SPATA6L: variants seen among roughly 807,000 people sequenced by gnomAD.
SPATA6L encodes spermatogenesis associated 6 like, also known as spermatogenesis associated 6-like protein.
SPATA6L carries 68 observed loss-of-function variants against 49.2 expected under a neutral mutation model. The observed-to-expected ratio is 1.38, with a 90% CI of 1.14 to 1.69. SPATA6L has a LOEUF of 1.69. Among genes scored for constraint, SPATA6L ranks in the 40% most tolerant of loss-of-function variants. The pLI is 0.00. For synonymous variants in SPATA6L, 198 were observed against 165.7 expected (o/e 1.19, Z -1.50); for missense variants, 668 against 464.3 (o/e 1.44, Z -4.03).
In SPATA6L at chr9:4,604,243, A is replaced by G. The variant is rs752891105; in HGVS notation, c.1116T>C (p.Tyr372=). ...GAGGGTAGCTTGGTCTTTCAATGAT[A>G]TAATTTACTTCAGAGGTAGAATCTT... ...NKEDSTSEVN[Y]IIERPSYPLK... Residue 372 remains tyrosine (Y), a synonymous_variant, in exon 11 of 12, where the codon TAT becomes TAC. Coordinates refer to ENST00000682582, the MANE Select transcript of SPATA6L (RefSeq NM_001353486.2). 7 of 1,611,146 alleles carry G rather than the reference A, an allele frequency of 4.3e-6. No homozygotes were observed. The East Asian group carries it at 1.6e-4, about 36-fold the overall frequency.
chr9:4,640,778 G>A (rs1333602712), intron 3 of SPATA6L, among the ~76,000 whole-genome samples: 1 of 152,070 alleles, frequency 6.6e-6, no homozygotes, highest in Non-Finnish European at 1.5e-5. Flanking sequence ...GTTATTTTGA[G>A]CAATTCAAAT....
intron 7 of SPATA6L, 87 bp from the exon 8 acceptor site, chr9:4,618,985 A>G: frequency 1.6e-6 from 2 of 1,222,342 alleles, no homozygotes; most frequent in Non-Finnish European, 2.3e-6. Context: ...ACAGCAGTAC[A>G]AAAATTTTAG....
chr9:4,656,471 A>T (rs551412018), intron 2 of SPATA6L, among the ~76,000 whole-genome samples: 1 of 149,842 alleles, frequency 6.7e-6, no homozygotes, highest in South Asian at 2.1e-4. Flanking sequence ...GAAGGAAGGA[A>T]GGAAGGAAGG....
At chr9:4,648,421 T>G (rs967701095) in intron 3 of SPATA6L, among the ~76,000 whole-genome samples, 2 of 152,106 alleles carry the variant, frequency 1.3e-5, no homozygotes, top group Admixed American at 1.3e-4. Context: ...AGTTCTTGGC[T>G]GGGCACCGTG....
chr9:4,626,282 C>T, intron 5 of SPATA6L: 1 of 953,748 alleles, frequency 1.0e-6, no homozygotes, highest in South Asian at 1.8e-5. Flanking sequence ...TGCACTCCTC[C>T]AGACATATCA....
intron 9 of SPATA6L, among the ~76,000 whole-genome samples, chr9:4,616,350 A>C (rs1828000981): frequency 6.6e-6 from 1 of 152,232 alleles, no homozygotes. Context: ...ACTTAGAGAC[A>C]CATGAGCGCT....
At chr9:4,650,317 A>T (rs1012825747) in intron 3 of SPATA6L, among the ~76,000 whole-genome samples, 1 of 152,118 alleles carries the variant, frequency 6.6e-6, no homozygotes, top group African/African-American at 2.4e-5. Context: ...AATTCTTTCA[A>T]CTGAGTAACA....
chr9:4,603,576 T>A (rs1310725561), intron 11 of SPATA6L, among the ~76,000 whole-genome samples: 1 of 152,184 alleles, frequency 6.6e-6, no homozygotes, highest in African/African-American at 2.4e-5. Flanking sequence ...AAGTTAAATG[T>A]GATTCCATTG....
At chr9:4,663,762 T>C (rs1840413951) in intron 1 of SPATA6L, 1 of 167,220 alleles carries the variant, frequency 6.0e-6, no homozygotes, top group Non-Finnish European at 1.5e-5. Flanking sequence ...TAGGTTTTTC[T>C]AGTTTATTCC....
chr9:4,653,650 C>T (rs1231994203), intron 3 of SPATA6L, among the ~76,000 whole-genome samples: 1 of 152,074 alleles, frequency 6.6e-6, no homozygotes, highest in Non-Finnish European at 1.5e-5. Flanking sequence ...CATTTACAGG[C>T]CAGGCACAGC....
chr9:4,648,986 T>G (rs1836156117), intron 3 of SPATA6L, among the ~76,000 whole-genome samples: 1 of 152,130 alleles, frequency 6.6e-6, no homozygotes, highest in South Asian at 2.1e-4. Context: ...TTCATCCAGG[T>G]CATTGCTAAT....
At chr9:4,590,091 T>A (rs1310326859) in intron 13 of SPATA6L, among the ~76,000 whole-genome samples, 5 of 150,668 alleles carry the variant, frequency 3.3e-5, no homozygotes, top group African/African-American at 1.2e-4. Flanking sequence ...GCCCAGCTAA[T>A]TTTTGTATTT....
rs1587561413 is a variant in SPATA6L at position 4,662,257 on chromosome 9, C to T, written c.40-221G>A. Reference sequence around the variant, plus strand: ...GTCTCCACCAGGTGTCACAATCGCGCTCTCGCCGGCTCCTCTCCCCGCCCC... The same window carrying T: ...GTCTCCACCAGGTGTCACAATCGCGTTCTCGCCGGCTCCTCTCCCCGCCCC... On this transcript the variant is annotated intron_variant, in intron 1 of 11. Coordinates refer to ENST00000682582, the MANE Select transcript of SPATA6L (RefSeq NM_001353486.2). The surrounding 1 kb of genome is among the most constrained non-coding windows in gnomAD (Gnocchi z 4.9). The T allele has an allele frequency of 1.4e-6, 2 of 1,434,240 alleles. No homozygotes were observed. Among genetic ancestry groups the T allele is most frequent in the Non-Finnish European group, 9.1e-7 (1 of 1,099,582 alleles). 88.8% of individuals were successfully genotyped at this position (1,434,240 alleles called of 1,614,324 possible). A position where few individuals can be genotyped will look rare whatever the true frequency, so the allele number is the denominator to read the frequency against.
intron 9 of SPATA6L, among the ~76,000 whole-genome samples, chr9:4,605,961 G>T (rs931453300): frequency 6.6e-6 from 1 of 152,164 alleles, no homozygotes; most frequent in Non-Finnish European, 1.5e-5. Flanking sequence ...CGCGCACCGT[G>T]CGCGAGCCGA....
rs180999537 is a variant in SPATA6L at position 4,622,595 on chromosome 9, T to G, written c.670-85A>C. The G allele has an allele frequency of 1.3e-3, 1,175 of 902,234 alleles. 3 individuals carry two copies. The highest frequency in any genetic ancestry group is 1.8e-3 in the Non-Finnish European group (1,020 of 572,084). 55.9% of individuals were successfully genotyped at this position (902,234 alleles called of 1,614,324 possible). On this transcript the variant is annotated intron_variant, in intron 6 of 11. Coordinates refer to ENST00000682582, the MANE Select transcript of SPATA6L (RefSeq NM_001353486.2). ...CGTTACCGGAATGCCTGTCTCCCCC[T>G]CAATCACTGATTACACGGGTTGGAA...
chr9:4,656,331 T>C (rs1302663137), intron 2 of SPATA6L, among the ~76,000 whole-genome samples: 1 of 151,946 alleles, frequency 6.6e-6, no homozygotes, highest in Non-Finnish European at 1.5e-5. Context: ...CCCAGCTACT[T>C]GTGGGGCTGA....
At chr9:4,656,385 G>A (rs1838191819) in intron 2 of SPATA6L, among the ~76,000 whole-genome samples, 1 of 151,626 alleles carries the variant, frequency 6.6e-6, no homozygotes, top group Non-Finnish European at 1.5e-5. Context: ...GTTGCAGGGA[G>A]CCGAGATGGC....
chr9:4,624,371 T>C (rs1177334692), intron 6 of SPATA6L, among the ~76,000 whole-genome samples: 5 of 152,242 alleles, frequency 3.3e-5, no homozygotes, highest in Non-Finnish European at 5.9e-5. Flanking sequence ...TTTATTATGC[T>C]GGTGACCCAA....
intron 2 of SPATA6L, among the ~76,000 whole-genome samples, chr9:4,659,965 C>T (rs1177704359): frequency 6.6e-6 from 1 of 152,196 alleles, no homozygotes; most frequent in African/African-American, 2.4e-5. Context: ...GCTGGGAAAA[C>T]TGGCTAACCA....
Sources: allele counts gnomAD v4.1 joint callset (sites outside exome capture counted in the v4.1 genomes callset), GRCh38; gene constraint gnomAD v4.1.1; non-coding constraint Gnocchi (gnomAD v3.1); transcripts MANE v1.5; gene names NCBI Gene and HGNC (gene_info 2026-07-23, HGNC 2026-07-21).